AKAP1: variants seen among roughly 807,000 people sequenced by gnomAD.
AKAP1 encodes A-kinase anchor protein 1, mitochondrial.
A neutral mutation model predicts 79.8 loss-of-function variants in AKAP1; 32 were observed. The ratio of observed to expected loss-of-function variants is 0.40; its 90% CI spans 0.30 to 0.54. AKAP1 has a LOEUF of 0.54. AKAP1 is among the 20% of genes least tolerant of loss of function. The pLI is 0.47. For synonymous variants in AKAP1, 416 were observed against 466.7 expected (o/e 0.89, Z 1.40); for missense variants, 961 against 1,138.9 (o/e 0.84, Z 2.25).
chr17:57,090,662 T>C (rs974082527), intron 1 of AKAP1, among the ~76,000 whole-genome samples: 1 of 152,240 alleles, frequency 6.6e-6, no homozygotes, highest in African/African-American at 2.4e-5. Flanking sequence ...ATATTCCCTA[T>C]TACAGAACAT....
intron 3 of AKAP1, 69 bp from the exon 4 acceptor site, chr17:57,111,729 G>A: frequency 1.3e-6 from 2 of 1,576,960 alleles, no homozygotes; most frequent in African/African-American, 1.4e-5. Flanking sequence ...TAAAACAGAA[G>A]TAGGTCTTTG....
Position 57,116,942 on chromosome 17 carries a change from C to G in AKAP1, c.2500+15C>G. ...GCCCCTGTCAGGTAACAGCTGAGGC[C>G]TTTGGCTTGGGGGATTGTTGGGGAC... On this transcript the variant is annotated intron_variant, in intron 8 of 10. Transcript: ENST00000337714. 1 of 1,613,122 alleles carries G rather than the reference C, an allele frequency of 6.2e-7. No individual in the cohort carries two copies. The highest frequency in any genetic ancestry group is 1.1e-5 in the South Asian group (1 of 91,066).
intron 3 of AKAP1, among the ~76,000 whole-genome samples, chr17:57,111,049 G>C (rs1481775965): frequency 6.6e-6 from 1 of 152,114 alleles, no homozygotes; most frequent in Non-Finnish European, 1.5e-5. Context: ...CCTCCCTGGG[G>C]GGCCCTGTTA....
chr17:57,116,735 A>G (rs553718511), intron 7 of AKAP1, 125 bp from the exon 8 acceptor site: 23 of 936,544 alleles, frequency 2.5e-5, no homozygotes, highest in African/African-American at 6.4e-5. Flanking sequence ...GCCTCCTGCA[A>G]AGTACGAACC....
intron 1 of AKAP1, among the ~76,000 whole-genome samples, chr17:57,104,518 C>T (rs1048580089): frequency 6.6e-6 from 1 of 152,224 alleles, no homozygotes; most frequent in African/African-American, 2.4e-5. Context: ...ATGCACCTAA[C>T]CTACTGAACA....
chr17:57,112,458 T>C, intron 4 of AKAP1, 33 bp from the exon 5 acceptor site: 1 of 1,604,340 alleles, frequency 6.2e-7, no homozygotes, highest in Non-Finnish European at 8.5e-7. Context: ...CCTCTTACAG[T>C]GATTGTATGT....
chr17:57,109,973 T>C (rs907369876), intron 2 of AKAP1, 52 bp from the exon 3 acceptor site: 6 of 1,592,650 alleles, frequency 3.8e-6, no homozygotes, highest in Non-Finnish European at 5.1e-6. Context: ...GGTTACTGGC[T>C]GCTCTGAGTG....
Position 57,120,451 on chromosome 17 carries a change from T to A in AKAP1, c.*127T>A. ...GAAAGTCCTTTCTTTCTCCATACTG[T>A]AGTCCTATTGAGAAGACATTTCGTC... On this transcript the variant is annotated 3_prime_UTR_variant, in exon 11 of 11. Transcript: ENST00000337714. 1.3e-6 allele frequency: 1 copy of A among 760,700 alleles called. No homozygotes were observed. The highest frequency in any genetic ancestry group is 2.1e-6 in the Non-Finnish European group (1 of 468,816). 47.1% of individuals were successfully genotyped at this position (760,700 alleles called of 1,614,324 possible). A position where few individuals can be genotyped will look rare whatever the true frequency, so the allele number is the denominator to read the frequency against.
At chr17:57,109,910 G>T in intron 2 of AKAP1, 115 bp from the exon 3 acceptor site, 1 of 1,387,028 alleles carries the variant, frequency 7.2e-7, no homozygotes, top group East Asian at 2.3e-5. Flanking sequence ...TGCCAAGCTT[G>T]AGGAGCGGGT....
chr17:57,116,342 C>T, intron 7 of AKAP1, 81 bp downstream of exon 7: 2 of 1,568,806 alleles, frequency 1.3e-6, no homozygotes, highest in Non-Finnish European at 1.7e-6. Context: ...TCAGTTGTGC[C>T]AGGGCTTGGG....
Position 57,105,902 on chromosome 17 carries a change from G to A in AKAP1, c.438G>A (p.Glu146=). 6.2e-7 allele frequency: 1 copy of A among 1,614,214 alleles called. No homozygotes were observed. Among genetic ancestry groups the A allele is most frequent in the Non-Finnish European group, 8.5e-7 (1 of 1,180,046 alleles). Reference sequence around the variant, plus strand: ...GTGAAGCCAAATCGATTCCTCTAGAGTGCCCCCTTTCATCCCCAAAGGGTG... The same window carrying A: ...GTGAAGCCAAATCGATTCCTCTAGAATGCCCCCTTTCATCCCCAAAGGGTG... ...TGGEAKSIPL[E]CPLSSPKGVL... Residue 146 remains glutamate, a synonymous_variant, in exon 2 of 11, where the codon GAG becomes GAA. Transcript: ENST00000337714.
chr17:57,111,531 TC>T (rs1915246228), intron 3 of AKAP1, among the ~76,000 whole-genome samples: 1 of 152,210 alleles, frequency 6.6e-6, no homozygotes. Flanking sequence ...TGGTTCGACT[TC>T]CTGGTTAGCA....
intron 6 of AKAP1, 48 bp downstream of exon 6, chr17:57,114,684 T>C (rs766579516): frequency 1.3e-6 from 2 of 1,551,082 alleles, no homozygotes; most frequent in African/African-American, 1.4e-5. Context: ...TGGGGTTGCC[T>C]GTTCTGCCCT....
intron 10 of AKAP1, among the ~76,000 whole-genome samples, 178 bp downstream of exon 10, chr17:57,119,222 T>A (rs1395957803): frequency 6.6e-6 from 1 of 152,096 alleles, no homozygotes; most frequent in Non-Finnish European, 1.5e-5. Flanking sequence ...TGTCCTCTAG[T>A]GGGTAGAGGC....
Position 57,112,579 on chromosome 17 carries a change from G to A in AKAP1, c.2064G>A (p.Leu688=), listed in dbSNP as rs1385641631. The A allele has an allele frequency of 6.2e-7, 1 of 1,614,142 alleles. No individual in the cohort carries two copies. Among genetic ancestry groups the A allele is most frequent in the South Asian group, 1.1e-5 (1 of 91,078 alleles). ...LNLTNIYAPP[L]PSLALPSLPM... ...TCACCAATATCTACGCTCCCCCATT[G>A]CCTTCACTGGCACTGCCTTCTCTGC... The change falls in exon 5 of 11, where the codon TTG becomes TTA. Residue 688 remains leucine (L), a synonymous_variant. Transcript: ENST00000337714.
Position 57,109,283 on chromosome 17 carries a change from T to C in AKAP1, c.1715-742T>C, listed in dbSNP as rs537440338. On this transcript the variant is annotated intron_variant, in intron 2 of 10. Coordinates refer to ENST00000337714, the MANE Select transcript of AKAP1 (RefSeq NM_003488.4). ...CCTTTGGCACGCTCTTGAGTGAGAGTGGAACAGCCCAGGTCGGGAGCAGAG... is the reference window on the plus strand; with the variant it reads ...CCTTTGGCACGCTCTTGAGTGAGAGCGGAACAGCCCAGGTCGGGAGCAGAG... Among the ~76,000 whole-genome samples, 25 of 152,220 alleles carry C rather than the reference T, an allele frequency of 1.6e-4. No individual in the cohort carries two copies. The East Asian group carries it at 4.6e-3, about 28-fold the overall frequency.
At chr17:57,088,803 G>T (rs1289884450) in intron 1 of AKAP1, among the ~76,000 whole-genome samples, 1 of 152,178 alleles carries the variant, frequency 6.6e-6, no homozygotes, top group African/African-American at 2.4e-5. Flanking sequence ...TCCACATTCT[G>T]TCCGGGTCTT....
intron 1 of AKAP1, among the ~76,000 whole-genome samples, chr17:57,102,732 A>T (rs1029451583): frequency 6.6e-6 from 1 of 152,012 alleles, no homozygotes; most frequent in African/African-American, 2.4e-5. Flanking sequence ...TCAGCCTCTG[A>T]AAGTGCTAGG....
In AKAP1 at chr17:57,112,577, T is replaced by C. The variant is rs376498351; in HGVS notation, c.2062T>C (p.Leu688=). The change falls in exon 5 of 11, where the codon TTG becomes CTG. Residue 688 remains leucine (L), a synonymous_variant. Coordinates refer to ENST00000337714, the MANE Select transcript of AKAP1 (RefSeq NM_003488.4). The part of the protein sequence containing the change: ...LNLTNIYAPP[L]PSLALPSLPM... ...CCTCACCAATATCTACGCTCCCCCA[T>C]TGCCTTCACTGGCACTGCCTTCTCT... The C allele has an allele frequency of 3.1e-6, 5 of 1,614,026 alleles. No homozygotes were observed. The highest frequency in any genetic ancestry group is 1.3e-5 in the African/African-American group (1 of 74,942).
Sources: gnomAD v4.1 joint callset for allele counts (sites outside exome capture counted in the v4.1 genomes callset) on GRCh38, gnomAD v4.1.1 for gene constraint, MANE v1.5 for transcripts, NCBI Gene and HGNC (gene_info 2026-07-23, HGNC 2026-07-21) for gene names.